RASEF: variants seen among roughly 807,000 people sequenced by gnomAD.
The protein encoded by RASEF is RAS and EF-hand domain containing, also known as ras and EF-hand domain-containing protein.
A neutral mutation model predicts 90.1 loss-of-function variants in RASEF; 68 were observed. The ratio of observed to expected loss-of-function variants is 0.75; its 90% CI spans 0.62 to 0.92. RASEF has a LOEUF of 0.92. Among genes scored for constraint, RASEF ranks in the 40% least tolerant of loss-of-function variants. The pLI is 0.00. For synonymous variants in RASEF, 331 were observed against 345.2 expected (o/e 0.96, Z 0.46); for missense variants, 949 against 937.2 (o/e 1.01, Z -0.16).
the RASEF span, among the ~76,000 whole-genome samples, chr9:83,098,381 A>T: frequency 6.6e-6 from 1 of 152,240 alleles, no homozygotes; most frequent in Non-Finnish European, 1.5e-5. Context: ...GGAAAAATCA[A>T]ATCTAACCTA....
chr9:83,217,639 C>A, the RASEF span, among the ~76,000 whole-genome samples: 1 of 152,184 alleles, frequency 6.6e-6, no homozygotes, highest in African/African-American at 2.4e-5. Flanking sequence ...TCCTCCTTCG[C>A]CTTCCGCCAT....
chr9:83,116,775 G>A, the RASEF span, among the ~76,000 whole-genome samples: 1 of 151,936 alleles, frequency 6.6e-6, no homozygotes, highest in African/African-American at 2.4e-5. Flanking sequence ...ACTCAAACAT[G>A]GCTTCAAAGA....
At chr9:83,000,650 G>C (rs1391522500) in intron 10 of RASEF, 80 bp from the exon 11 acceptor site, 1 of 1,305,626 alleles carries the variant, frequency 7.7e-7, no homozygotes, top group African/African-American at 1.5e-5. Context: ...ATACATTATG[G>C]ATTAAAAAGA....
chr9:83,214,703 G>T, the RASEF span, among the ~76,000 whole-genome samples: 1 of 152,092 alleles, frequency 6.6e-6, no homozygotes, highest in East Asian at 2.0e-4. Context: ...GTTTTACAAA[G>T]CGCAGTTCCC....
At chr9:83,078,596 G>A in the RASEF span, among the ~76,000 whole-genome samples, 1 of 151,878 alleles carries the variant, frequency 6.6e-6, no homozygotes, top group Non-Finnish European at 1.5e-5. Flanking sequence ...CCCAGGAAAT[G>A]GAGGTTGCAG....
chr9:83,039,204 G>T (rs7470762), intron 1 of RASEF, among the ~76,000 whole-genome samples: 1 of 151,856 alleles, frequency 6.6e-6, no homozygotes, highest in African/African-American at 2.4e-5. Context: ...TCTGAAAGTC[G>T]GCCCTGAATA....
At chr9:83,123,363 A>G in the RASEF span, among the ~76,000 whole-genome samples, 1 of 151,822 alleles carries the variant, frequency 6.6e-6, no homozygotes, top group African/African-American at 2.4e-5. Context: ...CTTTCTTACC[A>G]GTGATGTCCC....
chr9:83,044,125 G>GA (rs1587518850), intron 1 of RASEF, among the ~76,000 whole-genome samples: 1 of 152,218 alleles, frequency 6.6e-6, no homozygotes, highest in African/African-American at 2.4e-5. Flanking sequence ...ATTCCTACTG[G>GA]AAAAAATTTC....
At chr9:83,214,215 C>A in the RASEF span, among the ~76,000 whole-genome samples, 4 of 152,156 alleles carry the variant, frequency 2.6e-5, no homozygotes, top group Admixed American at 2.6e-4. Flanking sequence ...GAAACCCCAT[C>A]TCTACTAAAA....
the RASEF span, among the ~76,000 whole-genome samples, chr9:83,075,898 G>A: frequency 5.9e-5 from 9 of 151,852 alleles, no homozygotes; most frequent in African/African-American, 1.7e-4. Context: ...GGCAGGGCAC[G>A]GTGGCTCACA....
chr9:83,072,321 T>G, the RASEF span, among the ~76,000 whole-genome samples: 1 of 152,212 alleles, frequency 6.6e-6, no homozygotes, highest in South Asian at 2.1e-4. Context: ...TAAGACTCCA[T>G]ACTTCCTGCA....
chr9:83,147,482 A>G, the RASEF span, among the ~76,000 whole-genome samples: 1 of 152,178 alleles, frequency 6.6e-6, no homozygotes, highest in Non-Finnish European at 1.5e-5. Context: ...GGTGTGGTGC[A>G]TATGTTCAGC....
chr9:83,037,747 T>C (rs1411640763), intron 1 of RASEF, among the ~76,000 whole-genome samples: 1 of 143,582 alleles, frequency 7.0e-6, no homozygotes, highest in Non-Finnish European at 1.5e-5. Flanking sequence ...ATGTCCTATT[T>C]TTTTTTTTTT....
chr9:83,072,434 T>C, the RASEF span, among the ~76,000 whole-genome samples: 1 of 152,178 alleles, frequency 6.6e-6, no homozygotes, highest in Admixed American at 6.5e-5. Flanking sequence ...GATGTATATA[T>C]GAAAGGGAGT....
chr9:83,074,343 G>T, the RASEF span, among the ~76,000 whole-genome samples: 1 of 152,154 alleles, frequency 6.6e-6, no homozygotes, highest in Admixed American at 6.5e-5. Context: ...TTTCTCAAAG[G>T]AGAAAGGTAG....
intron 3 of RASEF, 24 bp downstream of exon 3, chr9:83,022,312 T>C (rs762454407): frequency 3.1e-6 from 5 of 1,589,160 alleles, no homozygotes; most frequent in Non-Finnish European, 3.5e-6. Context: ...ATCTGCTGAA[T>C]GAATGGCCAA....
the RASEF span, among the ~76,000 whole-genome samples, chr9:83,159,642 T>A: frequency 2.0e-5 from 3 of 152,240 alleles, no homozygotes; most frequent in Non-Finnish European, 4.4e-5. Flanking sequence ...ATATTCTATG[T>A]TGAAATGAAA....
chr9:83,122,964 G>T, the RASEF span, among the ~76,000 whole-genome samples: 3,560 of 152,288 alleles, frequency 0.023, 56 homozygotes, highest in Non-Finnish European at 0.037. Context: ...AAGGGGCTGG[G>T]CGCAGTGGCT....
At chr9:83,135,825 C>T in the RASEF span, among the ~76,000 whole-genome samples, 1 of 152,060 alleles carries the variant, frequency 6.6e-6, no homozygotes, top group Non-Finnish European at 1.5e-5. Context: ...ATAATTTCTT[C>T]CAAGGATTTC....
Sources: gnomAD v4.1 joint callset for allele counts (sites outside exome capture counted in the v4.1 genomes callset) on GRCh38, gnomAD v4.1.1 for gene constraint, MANE v1.5 for transcripts, NCBI Gene and HGNC (gene_info 2026-07-23, HGNC 2026-07-21) for gene names.